Variants in BTBD9 observed in about 807,000 individuals in gnomAD.
BTBD9 encodes BTB domain containing 9.
BTBD9 carries 49 observed loss-of-function variants against 64.3 expected under a neutral mutation model. The observed-to-expected ratio is 0.76, with a 90% CI of 0.61 to 0.97. The LOEUF is 0.97. BTBD9 is among the 50% of genes least tolerant of loss of function. The pLI is 0.00. For synonymous variants in BTBD9, 260 were observed against 274.7 expected, an observed-to-expected ratio of 0.95 and a Z score of 0.53; for missense variants, 598 against 762.1, an observed-to-expected ratio of 0.78 and a Z score of 2.53.
intron 6 of BTBD9, among the ~76,000 whole-genome samples, chr6:38,519,953 C>T (rs532548303): frequency 3.9e-5 from 6 of 152,142 alleles, no homozygotes; most frequent in East Asian, 3.9e-4. Context: ...CTTATAAGAA[C>T]AAAATACATA....
chr6:38,226,345 G>A (rs1383986860), intron 9 of BTBD9, among the ~76,000 whole-genome samples: 1 of 152,178 alleles, frequency 6.6e-6, no homozygotes, highest in Non-Finnish European at 1.5e-5. Flanking sequence ...AACCAGGCAG[G>A]ACTCAGCAGC....
chr6:38,580,392 A>G lies in BTBD9; in HGVS notation c.860T>C (p.Val287Ala). 1 of 1,614,208 alleles carries G rather than the reference A, an allele frequency of 6.2e-7. No homozygotes were observed. The highest frequency in any genetic ancestry group is 2.2e-5 in the East Asian group (1 of 44,884). ...IATMKYGAQV[V>A]KGELKSALLD... The stretch of plus-strand genomic sequence containing the variant: ...TAAGGCTGATTTCAGCTCCCCCTTT[A>G]CAACTTGGGCTCCATACTTCATAGT... Residue 287 changes from valine (V) to alanine (A), a missense_variant, in exon 5 of 11, where the codon GTA (valine) becomes GCA (alanine). Physicochemically the swap from Val to Ala is moderately conservative, Grantham distance 64 (BLOSUM62 0). Coordinates refer to ENST00000481247, the MANE Select transcript of BTBD9 (RefSeq NM_001099272.2).
At chr6:38,216,839 G>T (rs763079410) in intron 9 of BTBD9, among the ~76,000 whole-genome samples, 16 of 152,144 alleles carry the variant, frequency 1.1e-4, no homozygotes, top group Admixed American at 9.8e-4. Context: ...ATTCTGATGC[G>T]CTATTCCAAG....
intron 6 of BTBD9, among the ~76,000 whole-genome samples, chr6:38,435,703 C>G (rs867310345): frequency 1.4e-5 from 2 of 145,498 alleles, no homozygotes; most frequent in East Asian, 4.3e-4. Flanking sequence ...GAGTCTCACT[C>G]TATCGCCCAG....
chr6:38,545,504 G>A (rs1179539597), intron 6 of BTBD9, among the ~76,000 whole-genome samples: 1 of 152,110 alleles, frequency 6.6e-6, no homozygotes. Context: ...TTTAGGCTGG[G>A]CGCAATGGCT....
intron 6 of BTBD9, among the ~76,000 whole-genome samples, chr6:38,486,629 G>C (rs186570430): frequency 1.3e-5 from 2 of 152,266 alleles, no homozygotes; most frequent in African/African-American, 4.8e-5. Flanking sequence ...TCTTCTATGG[G>C]TGTGGTTTGT....
intron 6 of BTBD9, among the ~76,000 whole-genome samples, chr6:38,486,230 T>C (rs1433412606): frequency 3.9e-5 from 6 of 152,232 alleles, no homozygotes; most frequent in Non-Finnish European, 8.8e-5. Flanking sequence ...CTTCTATCCA[T>C]ACCCACTCAA....
chr6:38,224,275 T>G (rs1763313763), intron 9 of BTBD9, among the ~76,000 whole-genome samples: 2 of 152,206 alleles, frequency 1.3e-5, no homozygotes, highest in South Asian at 4.1e-4. Context: ...TCTCATAGTC[T>G]GCACGACCTC....
rs1764481956 is a variant in BTBD9 at position 38,253,777 on chromosome 6, G to A, written c.1562+2632C>T. On this transcript the variant is annotated intron_variant, in intron 9 of 10. Coordinates refer to ENST00000481247, the MANE Select transcript of BTBD9 (RefSeq NM_001099272.2). ...TATAAAAAGGGTTCCAGGAGCTTGG[G>A]ATAAATTAACCACTTTGTTTCCCCC... 1.3e-5 allele frequency among the ~76,000 whole-genome samples: 2 copies of A among 152,072 alleles called. 1 individual carries two copies. The highest frequency in any genetic ancestry group is 4.1e-4 in the South Asian group (2 of 4,820).
At chr6:38,208,270 A>G (rs1357570513) in intron 9 of BTBD9, among the ~76,000 whole-genome samples, 1 of 152,184 alleles carries the variant, frequency 6.6e-6, no homozygotes, top group Non-Finnish European at 1.5e-5. Context: ...GACTTGCCTG[A>G]AGATCCCTCT....
chr6:38,339,957 A>G (rs971388080), intron 7 of BTBD9, among the ~76,000 whole-genome samples: 12 of 152,016 alleles, frequency 7.9e-5, no homozygotes, highest in African/African-American at 2.9e-4. Context: ...AAATCTTAAA[A>G]CTCATTTCGG....
At chr6:38,181,553 A>T (rs1761555400) in intron 10 of BTBD9, among the ~76,000 whole-genome samples, 1 of 152,188 alleles carries the variant, frequency 6.6e-6, no homozygotes, top group African/African-American at 2.4e-5. Flanking sequence ...CTCGCCTCAG[A>T]GCAGAAGGTA....
intron 6 of BTBD9, among the ~76,000 whole-genome samples, chr6:38,450,272 A>C (rs553342545): frequency 2.0e-5 from 3 of 152,200 alleles, no homozygotes; most frequent in Non-Finnish European, 2.9e-5. Context: ...TTTAGCAGGG[A>C]GGAGAAGATG....
At chr6:38,414,331 C>T (rs1229337906) in intron 6 of BTBD9, among the ~76,000 whole-genome samples, 1 of 152,156 alleles carries the variant, frequency 6.6e-6, no homozygotes, top group Non-Finnish European at 1.5e-5. Flanking sequence ...ATTCTTATAG[C>T]TGTCTTTTGT....
chr6:38,598,619 T>TA (rs34203190), intron 1 of BTBD9, among the ~76,000 whole-genome samples: 3 of 151,952 alleles, frequency 2.0e-5, no homozygotes, highest in African/African-American at 7.3e-5. Flanking sequence ...ATATTTCATT[T>TA]AAAAAAAATC....
In BTBD9 at chr6:38,618,433, T is replaced by C. The variant is rs138776816; in HGVS notation, c.-27-20312A>G. 4.7e-3 allele frequency among the ~76,000 whole-genome samples: 716 copies of C among 152,290 alleles called. 8 individuals are homozygous for C. Among genetic ancestry groups the C allele is most frequent in the African/African-American group, 0.015 (638 of 41,554 alleles). ...ATCCACAACTATGCAAAGCTTGCAA[T>C]TTACATTCCACAGGAGGACCTCTCA... On this transcript the variant is annotated intron_variant, in intron 1 of 10. Coordinates refer to ENST00000481247, the MANE Select transcript of BTBD9 (RefSeq NM_001099272.2).
intron 6 of BTBD9, among the ~76,000 whole-genome samples, chr6:38,507,956 C>T (rs1361289499): frequency 6.6e-6 from 1 of 151,804 alleles, no homozygotes; most frequent in South Asian, 2.1e-4. Context: ...ACCTCAGCCT[C>T]CCGAGTAGCT....
At chr6:38,248,889 G>A (rs2127530029) in intron 9 of BTBD9, among the ~76,000 whole-genome samples, 1 of 152,320 alleles carries the variant, frequency 6.6e-6, no homozygotes, top group Middle Eastern at 3.4e-3. Flanking sequence ...ATAAATCGAG[G>A]AGAACTGGGC....
intron 6 of BTBD9, among the ~76,000 whole-genome samples, chr6:38,433,348 CT>C (rs1379927927): frequency 6.6e-6 from 1 of 151,954 alleles, no homozygotes; most frequent in Non-Finnish European, 1.5e-5. Context: ...ATCATATCCC[CT>C]GTGACCTGCA....
Sources: gnomAD v4.1 joint callset for allele counts (sites outside exome capture counted in the v4.1 genomes callset) on GRCh38, gnomAD v4.1.1 for gene constraint, MANE v1.5 for transcripts, NCBI Gene and HGNC (gene_info 2026-07-23, HGNC 2026-07-21) for gene names.